The following ARHGAP35 variants were observed in gnomAD, a reference collection of about 807,000 sequenced individuals.
ARHGAP35 encodes rho GTPase-activating protein 35.
ARHGAP35 carries 15 observed loss-of-function variants against 111.1 expected under a neutral mutation model. The observed-to-expected ratio is 0.13, with a 90% CI of 0.09 to 0.21. The LOEUF is 0.21. Among genes scored for constraint, ARHGAP35 ranks in the 10% least tolerant of loss-of-function variants. The pLI is 1.00. For synonymous variants in ARHGAP35, 643 were observed against 710.3 expected (o/e 0.91, Z 1.51); for missense variants, 1,262 against 1,873.0 (o/e 0.67, Z 6.02).
At chr19:46,930,161 G>A (rs1244911617) in intron 2 of ARHGAP35, among the ~76,000 whole-genome samples, 2 of 152,038 alleles carry the variant, frequency 1.3e-5, no homozygotes, top group Non-Finnish European at 2.9e-5. Context: ...GAGCCCAGGA[G>A]TTTGAAACTA....
chr19:46,884,059 AAACATAGT>A (rs1225449543), intron 1 of ARHGAP35, among the ~76,000 whole-genome samples: 1 of 152,190 alleles, frequency 6.6e-6, no homozygotes, highest in Non-Finnish European at 1.5e-5. Context: ...CATCTCAAAA[AAACATAGT>A]ATGCCTATAC....
At chr19:46,949,958 T>C (rs1422564071) in intron 3 of ARHGAP35, among the ~76,000 whole-genome samples, 3 of 152,156 alleles carry the variant, frequency 2.0e-5, no homozygotes, top group Non-Finnish European at 4.4e-5. Flanking sequence ...TTTTTAAAAC[T>C]TCTCCTTGAA....
At chr19:46,976,666 C>T (rs11667542) in intron 3 of ARHGAP35, among the ~76,000 whole-genome samples, 2 of 152,230 alleles carry the variant, frequency 1.3e-5, no homozygotes, top group African/African-American at 2.4e-5. Flanking sequence ...CAACCAGGCC[C>T]ATGGCCTGTC....
chr19:46,959,359 A>G (rs2056463074), intron 3 of ARHGAP35, among the ~76,000 whole-genome samples: 1 of 150,134 alleles, frequency 6.7e-6, no homozygotes, highest in Admixed American at 6.6e-5. Context: ...CTAGCCAAAA[A>G]TCTCCTTTTT....
At chr19:46,933,199 A>G (rs1428279657) in intron 2 of ARHGAP35, among the ~76,000 whole-genome samples, 1 of 135,274 alleles carries the variant, frequency 7.4e-6, no homozygotes, top group Non-Finnish European at 1.5e-5. Context: ...GCTGGAGTGC[A>G]GTGGCACAAT....
At chr19:46,983,606 CTTTTTTTTTTT>C (rs11383795) in intron 3 of ARHGAP35, among the ~76,000 whole-genome samples, 17 of 69,272 alleles carry the variant, frequency 2.5e-4, no homozygotes, top group African/African-American at 9.0e-4. Flanking sequence ...AATGTCCATT[CTTTTTTTTTTT>C]TTTTTTTTTT....
chr19:46,882,302 TTTTTA>T (rs889875198), intron 1 of ARHGAP35, among the ~76,000 whole-genome samples: 2 of 146,922 alleles, frequency 1.4e-5, no homozygotes, highest in African/African-American at 5.0e-5. Context: ...CCCTGGCTAA[TTTTTA>T]TTTTATTTTT....
At chr19:46,966,061 C>T (rs2056513445) in intron 3 of ARHGAP35, among the ~76,000 whole-genome samples, 1 of 152,216 alleles carries the variant, frequency 6.6e-6, no homozygotes, top group African/African-American at 2.4e-5. Flanking sequence ...CCTAGCTTCA[C>T]TTGTACATCC....
chr19:46,921,631 G>A lies in ARHGAP35; in HGVS notation c.2956G>A (p.Glu986Lys). The A allele has an allele frequency of 2.5e-6, 4 of 1,613,858 alleles. No homozygotes were observed. The highest frequency in any genetic ancestry group is 3.4e-6 in the Non-Finnish European group (4 of 1,179,758). The change falls in exon 2 of 7, where the codon GAA becomes AAA. Residue 986 changes from glutamate to lysine, a missense_variant. Coordinates refer to ENST00000672722, the MANE Select transcript of ARHGAP35 (RefSeq NM_004491.5). The surrounding 1 kb of genome is among the most constrained non-coding windows in gnomAD (Gnocchi z 4.3). ...PLCNSNLQDSEEDIEPSYSLF... is the reference protein window; with the variant it reads ...PLCNSNLQDSKEDIEPSYSLF... ...CTGCAACTCAAACCTGCAGGATTCAGAAGAAGATATCGAGCCATCTTACAG... is the reference window on the plus strand; with the variant it reads ...CTGCAACTCAAACCTGCAGGATTCAAAAGAAGATATCGAGCCATCTTACAG...
intron 1 of ARHGAP35, among the ~76,000 whole-genome samples, chr19:46,885,842 G>A (rs1036048095): frequency 2.0e-5 from 3 of 152,034 alleles, no homozygotes; most frequent in Non-Finnish European, 4.4e-5. Flanking sequence ...ATGTTGCCCA[G>A]GCTGGACTCG....
At chr19:46,939,887 A>G (rs568672304) in intron 3 of ARHGAP35, among the ~76,000 whole-genome samples, 6 of 151,978 alleles carry the variant, frequency 3.9e-5, no homozygotes, top group Middle Eastern at 3.4e-3. Context: ...CTTTATAGCA[A>G]CAGACAAAAC....
At chr19:46,969,194 C>A (rs1415942836) in intron 3 of ARHGAP35, among the ~76,000 whole-genome samples, 1 of 152,120 alleles carries the variant, frequency 6.6e-6, no homozygotes, top group Non-Finnish European at 1.5e-5. Flanking sequence ...TGACAGTGCT[C>A]TAAAATTGTG....
At chr19:46,928,850 T>A (rs2122212449) in intron 2 of ARHGAP35, among the ~76,000 whole-genome samples, 1 of 151,874 alleles carries the variant, frequency 6.6e-6, no homozygotes, top group East Asian at 1.9e-4. Context: ...GAGAATCTCT[T>A]GAACCCGGGA....
chr19:46,864,764 C>T (rs932726017), intron 1 of ARHGAP35, among the ~76,000 whole-genome samples: 3 of 152,176 alleles, frequency 2.0e-5, no homozygotes, highest in East Asian at 3.9e-4. Context: ...GGTTCATTTC[C>T]GTTGGTAAAT....
At chr19:46,973,357 C>G (rs753709680) in intron 3 of ARHGAP35, among the ~76,000 whole-genome samples, 1 of 151,890 alleles carries the variant, frequency 6.6e-6, no homozygotes, top group African/African-American at 2.4e-5. Context: ...GAGCGAGACT[C>G]CGTCTCAAAA....
intron 1 of ARHGAP35, among the ~76,000 whole-genome samples, chr19:46,903,693 T>G (rs2122170730): frequency 6.6e-6 from 1 of 152,326 alleles, no homozygotes; most frequent in African/African-American, 2.4e-5. Flanking sequence ...TCGTTGATCT[T>G]CCTGATATTA....
At chr19:46,895,994 C>T (rs1356626272) in intron 1 of ARHGAP35, among the ~76,000 whole-genome samples, 1 of 151,890 alleles carries the variant, frequency 6.6e-6, no homozygotes, top group East Asian at 1.9e-4. Flanking sequence ...CCCAGCTACT[C>T]GGGAGGCTGA....
chr19:46,937,879 G>T (rs1278002741), intron 3 of ARHGAP35, among the ~76,000 whole-genome samples: 2 of 152,182 alleles, frequency 1.3e-5, no homozygotes, highest in East Asian at 3.8e-4. Context: ...GTATTGATAG[G>T]ATTTTTTTCT....
intron 2 of ARHGAP35, among the ~76,000 whole-genome samples, chr19:46,934,662 C>T (rs1223954745): frequency 6.6e-6 from 1 of 151,796 alleles, no homozygotes; most frequent in African/African-American, 2.4e-5. Flanking sequence ...CCACCATACC[C>T]GGCCAGCCCT....
Sources: allele counts gnomAD v4.1 joint callset (sites outside exome capture counted in the v4.1 genomes callset), GRCh38; gene constraint gnomAD v4.1.1; non-coding constraint Gnocchi (gnomAD v3.1); transcripts MANE v1.5; gene names NCBI Gene and HGNC (gene_info 2026-07-23, HGNC 2026-07-21).